MALRD1: variants seen among roughly 807,000 people sequenced by gnomAD.
The protein encoded by MALRD1 is MAM and LDL-receptor class A domain-containing protein 1.
A neutral mutation model predicts 242.1 loss-of-function variants in MALRD1; 247 were observed. The observed-to-expected ratio is 1.02, with a 90% CI of 0.92 to 1.13. The LOEUF is 1.13. MALRD1 is among the 50% of genes most tolerant of loss of function. MALRD1 has a pLI of 0.00. For synonymous variants in MALRD1, 995 were observed against 866.6 expected (o/e 1.15, Z -2.60); for missense variants, 2,989 against 2,533.1 (o/e 1.18, Z -3.86).
intron 8 of MALRD1, among the ~76,000 whole-genome samples, chr10:19,129,635 T>C (rs1029142152): frequency 6.6e-6 from 1 of 151,870 alleles, no homozygotes; most frequent in Non-Finnish European, 1.5e-5. Flanking sequence ...TCCCATAAGA[T>C]TCCATTAACA....
intron 1 of MALRD1, among the ~76,000 whole-genome samples, chr10:19,054,583 G>C (rs1452005022): frequency 6.6e-6 from 1 of 152,102 alleles, no homozygotes; most frequent in Non-Finnish European, 1.5e-5. Flanking sequence ...CCAGTGTCTG[G>C]TAATCATCAT....
chr10:19,389,643 T>A, intron 28 of MALRD1, 34 bp downstream of exon 28: 2 of 1,534,180 alleles, frequency 1.3e-6, no homozygotes, highest in Non-Finnish European at 1.8e-6. Context: ...TCTGAGCTTG[T>A]TTTGTTCTGT....
intron 14 of MALRD1, among the ~76,000 whole-genome samples, chr10:19,202,030 G>A (rs1836561491): frequency 6.6e-6 from 1 of 151,960 alleles, no homozygotes; most frequent in Non-Finnish European, 1.5e-5. Context: ...TGGCCAGGAT[G>A]GTCTCGATCT....
chr10:19,581,489 G>T (rs933736624), intron 33 of MALRD1, among the ~76,000 whole-genome samples: 1 of 151,366 alleles, frequency 6.6e-6, no homozygotes, highest in Non-Finnish European at 1.5e-5. Flanking sequence ...TTGTTCTTGT[G>T]ACAGTTTACT....
chr10:19,274,432 G>C (rs1258797512), intron 19 of MALRD1, among the ~76,000 whole-genome samples: 1 of 152,098 alleles, frequency 6.6e-6, no homozygotes, highest in Non-Finnish European at 1.5e-5. Context: ...GGAGAGTAAA[G>C]CTTTCATGGA....
At chr10:19,326,726 A>G (rs987556921) in intron 22 of MALRD1, among the ~76,000 whole-genome samples, 1 of 152,158 alleles carries the variant, frequency 6.6e-6, no homozygotes, top group Non-Finnish European at 1.5e-5. Flanking sequence ...TAATTAAAAA[A>G]ACAGATAATG....
At chr10:19,351,150 T>C (rs1047786739) in intron 25 of MALRD1, among the ~76,000 whole-genome samples, 1 of 152,194 alleles carries the variant, frequency 6.6e-6, no homozygotes, top group Admixed American at 6.5e-5. Flanking sequence ...TATATGTGAC[T>C]GCTAGTGTTT....
At position 19,165,711 on chromosome 10, in the gene MALRD1, G is replaced by A; in HGVS notation, c.1731G>A (p.Leu577=). The A allele has an allele frequency of 1.6e-6, 2 of 1,231,634 alleles. No homozygotes were observed. The highest frequency in any genetic ancestry group is 2.0e-6 in the Non-Finnish European group (2 of 987,942). The allele number at this position is 1,231,634 out of a possible 1,614,324, so 76.3% of individuals were successfully genotyped here. The change falls in exon 13 of 40, where the codon TTG becomes TTA. Residue 577 remains leucine (L), a synonymous_variant. Coordinates refer to ENST00000454679, the MANE Select transcript of MALRD1 (RefSeq NM_001142308.3). ...VFTRTSLDGN[L]QKQGKIIRFS... ...CAAGAACGTCTCTAGATGGAAACTT[G>A]CAAAAGCAGGGCAAAATAATCAGAT...
chr10:19,666,845 A>G (rs920587457), intron 36 of MALRD1, among the ~76,000 whole-genome samples: 3 of 152,230 alleles, frequency 2.0e-5, no homozygotes, highest in Admixed American at 6.5e-5. Context: ...GCAGTGAAGA[A>G]TGAACAAAAA....
At chr10:19,171,419 A>ATTTT (rs199557689) in intron 13 of MALRD1, among the ~76,000 whole-genome samples, 3 of 76,692 alleles carry the variant, frequency 3.9e-5, no homozygotes, top group East Asian at 1.0e-3. Flanking sequence ...AACATTTTAT[A>ATTTT]TTTTATATAC....
At chr10:19,063,999 T>C (rs1834899023) in intron 1 of MALRD1, among the ~76,000 whole-genome samples, 1 of 151,942 alleles carries the variant, frequency 6.6e-6, no homozygotes, top group Admixed American at 6.6e-5. Context: ...TCCATTATCG[T>C]GTTAAAGATC....
chr10:19,283,114 G>A lies in MALRD1; in HGVS notation c.3352G>A (p.Gly1118Arg), dbSNP rs899982580. 1.3e-5 allele frequency: 20 copies of A among 1,549,354 alleles called. No individual in the cohort carries two copies. Among genetic ancestry groups the A allele is most frequent in the African/African-American group, 8.2e-5 (6 of 72,946 alleles). The change falls in exon 21 of 40, where the codon GGG (glycine) becomes AGG (arginine). Residue 1118 changes from glycine (G) to arginine (R), a missense_variant. Physicochemically the swap from Gly to Arg is moderately radical, Grantham distance 125. Transcript: ENST00000454679. ...LLQDSNTFRW[G>R]LGNGISIHHG... ...TCAAGATTCAAACACATTCAGGTGG[G>A]GGCTTGGGAACGGGATCAGCATTCA...
At chr10:19,594,470 G>A (rs114568367) in intron 33 of MALRD1, among the ~76,000 whole-genome samples, 320 of 152,202 alleles carry the variant, frequency 2.1e-3, no homozygotes, top group African/African-American at 7.5e-3. Flanking sequence ...ATTTGATTCA[G>A]CAATCTCACT....
chr10:19,456,750 C>CATTTATTTATTTATTT lies in MALRD1; in HGVS notation c.5029+6285_5029+6300dup, dbSNP rs148086758. ...GCCCTAATGAAATAATTAAAAGTGA[C>CATTTATTTATTTATTT]ATTTATTTATTTATTTATTTATTTA... On this transcript the variant is annotated intron_variant, in intron 29 of 39. Coordinates refer to ENST00000454679, the MANE Select transcript of MALRD1 (RefSeq NM_001142308.3). Among the ~76,000 whole-genome samples the CATTTATTTATTTATTT allele has an allele frequency of 3.6e-3, 513 of 141,630 alleles. 4 individuals are homozygous for CATTTATTTATTTATTT. The highest frequency in any genetic ancestry group is 0.026 in the East Asian group (127 of 4,820). The allele number at this position is 141,630 out of a possible 152,430, so 92.9% of individuals were successfully genotyped here.
At chr10:19,488,305 A>T (rs532285844) in intron 29 of MALRD1, among the ~76,000 whole-genome samples, 1 of 152,210 alleles carries the variant, frequency 6.6e-6, no homozygotes, top group Non-Finnish European at 1.5e-5. Context: ...ATCAGGTTCT[A>T]TGTGAGGCCC....
At position 19,685,209 on chromosome 10, in the gene MALRD1, TGC is replaced by T. The variant is rs1348190997; in HGVS notation, c.6138-7072_6138-7071del. On this transcript the variant is annotated intron_variant, in intron 36 of 39. Coordinates refer to ENST00000454679, the MANE Select transcript of MALRD1 (RefSeq NM_001142308.3). Reference sequence around the variant, plus strand: ...AAAGATTCATGAAGCAATTTTTTCATGCTCTCTTTAAGAACTTTTCTTTATCT... The same window carrying T: ...AAAGATTCATGAAGCAATTTTTTCATTCTCTTTAAGAACTTTTCTTTATCT... Among the ~76,000 whole-genome samples the T allele has an allele frequency of 1.6e-4, 25 of 152,384 alleles. 1 individual carries two copies. Among genetic ancestry groups the T allele is most frequent in the African/African-American group, 5.5e-4 (23 of 41,592 alleles).
At chr10:19,657,783 T>C (rs2131724832) in intron 36 of MALRD1, among the ~76,000 whole-genome samples, 1 of 152,214 alleles carries the variant, frequency 6.6e-6, no homozygotes, top group South Asian at 2.1e-4. Flanking sequence ...ATTTCAAAAA[T>C]AAAGGAATGA....
chr10:19,181,745 A>C (rs1835514378), intron 14 of MALRD1, among the ~76,000 whole-genome samples: 2 of 152,180 alleles, frequency 1.3e-5, no homozygotes, highest in African/African-American at 4.8e-5. Context: ...AAAAAGAAAA[A>C]AAAGGGCAAT....
At chr10:19,391,516 T>A (rs1401965960) in intron 28 of MALRD1, among the ~76,000 whole-genome samples, 1 of 152,208 alleles carries the variant, frequency 6.6e-6, no homozygotes, top group African/African-American at 2.4e-5. Context: ...CCAAATTCTT[T>A]CTTTACTCTT....
Sources: gnomAD v4.1 joint callset for allele counts (sites outside exome capture counted in the v4.1 genomes callset) on GRCh38, gnomAD v4.1.1 for gene constraint, MANE v1.5 for transcripts, NCBI Gene and HGNC (gene_info 2026-07-23, HGNC 2026-07-21) for gene names.